CTDP1: variants seen among roughly 807,000 people sequenced by gnomAD.
The protein encoded by CTDP1 is CTD phosphatase 1, also known as RNA polymerase II subunit A C-terminal domain phosphatase.
Under a neutral mutation model 91.8 loss-of-function variants are expected in CTDP1, and 47 were observed. The ratio of observed to expected loss-of-function variants is 0.51; its 90% CI spans 0.41 to 0.65. The LOEUF (loss-of-function observed/expected upper bound fraction) is 0.65, where lower values mean the gene tolerates loss of function less well. Among genes scored for constraint, CTDP1 ranks in the 30% least tolerant of loss-of-function variants. The pLI is 0.00. For missense variants in CTDP1, 1,272 were observed against 1,373.7 expected, an observed-to-expected ratio of 0.93 and a Z score of 1.17; for synonymous variants, 656 against 598.5, an observed-to-expected ratio of 1.10 and a Z score of -1.40.
chr18:79,679,324 G>A (rs1568164945), upstream of CTDP1: 1 of 434,794 alleles, frequency 2.3e-6, no homozygotes, highest in East Asian at 7.2e-5. Flanking sequence ...GACGCCGACA[G>A]CCTCACGTCT....
intron 4 of CTDP1, among the ~76,000 whole-genome samples, chr18:79,701,530 T>A (rs28811112): frequency 1.4e-3 from 2 of 1,440 alleles, no homozygotes; most frequent in African/African-American, 3.1e-3. Context: ...ATAAATAAAT[T>A]AAATAAATAA....
At chr18:79,720,593 T>A (rs1420811942) in intron 10 of CTDP1, among the ~76,000 whole-genome samples, 1 of 152,212 alleles carries the variant, frequency 6.6e-6, no homozygotes, top group Non-Finnish European at 1.5e-5. Context: ...TCACTTCCCA[T>A]CGTGTTCTGG....
chr18:79,725,211 C>T (rs988072617), intron 10 of CTDP1, among the ~76,000 whole-genome samples: 1 of 152,120 alleles, frequency 6.6e-6, no homozygotes, highest in African/African-American at 2.4e-5. Flanking sequence ...TTTATGTTGA[C>T]GTTGAGGGGC....
intron 3 of CTDP1, among the ~76,000 whole-genome samples, chr18:79,697,349 C>T (rs1388487241): frequency 6.6e-6 from 1 of 152,228 alleles, no homozygotes; most frequent in African/African-American, 2.4e-5. Context: ...TTGTTAGGAG[C>T]TCCACTCTGG....
At chr18:79,696,374 C>T (rs2085747054) in intron 3 of CTDP1, among the ~76,000 whole-genome samples, 1 of 152,212 alleles carries the variant, frequency 6.6e-6, no homozygotes, top group Non-Finnish European at 1.5e-5. Flanking sequence ...AGCCTGGGTT[C>T]CCTTGAGCCA....
chr18:79,724,185 C>A (rs1031670216), intron 10 of CTDP1, among the ~76,000 whole-genome samples: 2 of 152,218 alleles, frequency 1.3e-5, no homozygotes, highest in African/African-American at 4.8e-5. Flanking sequence ...GATTTGGGGT[C>A]ACCGGTTGCA....
intron 12 of CTDP1, among the ~76,000 whole-genome samples, chr18:79,739,087 C>T (rs893346117): frequency 6.6e-6 from 1 of 152,192 alleles, no homozygotes; most frequent in African/African-American, 2.4e-5. Context: ...CCCTCTAGCC[C>T]GGGGCTGAGC....
chr18:79,693,188 G>A (rs150222383), intron 1 of CTDP1, among the ~76,000 whole-genome samples: 25 of 152,308 alleles, frequency 1.6e-4, no homozygotes, highest in African/African-American at 5.1e-4. Context: ...GCCTGGCAGT[G>A]TCTTTGAGCA....
At chr18:79,694,829 A>G (rs2085714513) in intron 1 of CTDP1, among the ~76,000 whole-genome samples, 1 of 152,240 alleles carries the variant, frequency 6.6e-6, no homozygotes, top group Admixed American at 6.5e-5. Context: ...CTCTGTCTAG[A>G]CTGGGAATGA....
At chr18:79,700,653 G>A (rs2085839227) in intron 4 of CTDP1, among the ~76,000 whole-genome samples, 1 of 152,216 alleles carries the variant, frequency 6.6e-6, no homozygotes, top group African/African-American at 2.4e-5. Context: ...AGGTGCTGTT[G>A]GAGAAACTGC....
intron 11 of CTDP1, among the ~76,000 whole-genome samples, chr18:79,732,738 CATA>C (rs1377912503): frequency 6.7e-6 from 1 of 148,868 alleles, no homozygotes; most frequent in African/African-American, 2.5e-5. Context: ...AATCACGAGA[CATA>C]AGAACTCACT....
At position 79,751,245 on chromosome 18, in the gene CTDP1, G is replaced by A. The variant is rs1386727842; in HGVS notation, c.2748-2407G>A. On this transcript the variant is annotated intron_variant, in intron 12 of 12. Coordinates refer to ENST00000613122, the MANE Select transcript of CTDP1 (RefSeq NM_004715.5). ...AGGGGCTGGGCGCAGAGGACAGGCC[G>A]GGGAGGGAGGGAGGCTGGGCACACA... Among the ~76,000 whole-genome samples the A allele has an allele frequency of 7.2e-5, 10 of 139,030 alleles. 1 individual carries two copies. The highest frequency in any genetic ancestry group is 2.5e-4 in the South Asian group (1 of 4,072). 91.2% of individuals were successfully genotyped at this position (139,030 alleles called of 152,430 possible). A position where few individuals can be genotyped will look rare whatever the true frequency, so the allele number is the denominator to read the frequency against.
chr18:79,723,388 C>G (rs536779060), intron 10 of CTDP1, among the ~76,000 whole-genome samples: 3 of 152,192 alleles, frequency 2.0e-5, no homozygotes, highest in Admixed American at 6.5e-5. Flanking sequence ...ATTCTGTTCT[C>G]GGAACCCCGT....
intron 12 of CTDP1, among the ~76,000 whole-genome samples, chr18:79,752,255 G>C (rs1568224700): frequency 1.3e-5 from 2 of 151,490 alleles, no homozygotes; most frequent in African/African-American, 2.4e-5. Flanking sequence ...TGGTTATGCA[G>C]AGGCTCCTAA....
intron 12 of CTDP1, among the ~76,000 whole-genome samples, chr18:79,744,331 A>G (rs144664810): frequency 8.6e-5 from 13 of 152,034 alleles, no homozygotes; most frequent in African/African-American, 2.9e-4. Flanking sequence ...TTTTAAGTTA[A>G]GTGAGACCTG....
intron 12 of CTDP1, chr18:79,749,769 T>C (rs772412933): frequency 6.6e-5 from 10 of 152,208 alleles, no homozygotes; most frequent in Non-Finnish European, 7.3e-5. Flanking sequence ...ACTGTCTCTG[T>C]CTTGTTTTGT....
intron 10 of CTDP1, among the ~76,000 whole-genome samples, chr18:79,720,605 G>A (rs2086324839): frequency 6.6e-6 from 1 of 152,238 alleles, no homozygotes; most frequent in Non-Finnish European, 1.5e-5. Flanking sequence ...GTGTTCTGGT[G>A]ACGATGTCAT....
intron 12 of CTDP1, among the ~76,000 whole-genome samples, chr18:79,744,349 T>TAATGATGTATGCTTTGTTTCTGTTGAGTG (rs2086837938): frequency 6.6e-6 from 1 of 152,234 alleles, no homozygotes; most frequent in African/African-American, 2.4e-5. Context: ...CTGACACAGA[T>TAATGATGTATGCTTTGTTTCTGTTGAGTG]ACTTGGAGTT....
chr18:79,737,995 CCCCCGGCCTCCCCCGCAGGT>C (rs1415147801), intron 12 of CTDP1, among the ~76,000 whole-genome samples: 7 of 150,066 alleles, frequency 4.7e-5, no homozygotes, highest in African/African-American at 1.8e-4. Context: ...CCGCTCCACT[CCCCCGGCCTCCCCCGCAGGT>C]CCCCGCCTCC....
Sources: gnomAD v4.1 joint callset for allele counts (sites outside exome capture counted in the v4.1 genomes callset) on GRCh38, gnomAD v4.1.1 for gene constraint, MANE v1.5 for transcripts, NCBI Gene and HGNC (gene_info 2026-07-23, HGNC 2026-07-21) for gene names.